CNTN5: variants seen among roughly 807,000 people sequenced by gnomAD.
CNTN5 encodes the protein contactin-5.
Under a neutral mutation model 129.1 loss-of-function variants are expected in CNTN5, and 77 were observed. That is an observed-to-expected ratio of 0.60 (90% CI 0.50 to 0.72). The LOEUF is 0.72. Among genes scored for constraint, CNTN5 ranks in the 30% least tolerant of loss-of-function variants. The pLI, the probability that CNTN5 is intolerant of heterozygous loss-of-function variation, is 0.00. For missense variants in CNTN5, 1,478 were observed against 1,328.8 expected, an observed-to-expected ratio of 1.11 and a Z score of -1.75; for synonymous variants, 509 against 465.6, an observed-to-expected ratio of 1.09 and a Z score of -1.20.
At chr11:100,288,895 A>C (rs1256320069) in intron 18 of CNTN5, among the ~76,000 whole-genome samples, 1 of 152,072 alleles carries the variant, frequency 6.6e-6, no homozygotes, top group African/African-American at 2.4e-5. Context: ...GAGAAGAATC[A>C]AATAGACACA....
chr11:99,967,192 C>G (rs1373007952), intron 8 of CNTN5, among the ~76,000 whole-genome samples: 2 of 152,082 alleles, frequency 1.3e-5, no homozygotes, highest in Non-Finnish European at 2.9e-5. Flanking sequence ...AAATGCAAGG[C>G]TATACGAAGG....
At chr11:99,640,419 C>A (rs986322300) in intron 3 of CNTN5, among the ~76,000 whole-genome samples, 9 of 152,172 alleles carry the variant, frequency 5.9e-5, no homozygotes, top group Non-Finnish European at 1.2e-4. Flanking sequence ...GCGGAAACCC[C>A]TGATAAACCC....
At chr11:99,044,258 A>T (rs527765152) in intron 1 of CNTN5, among the ~76,000 whole-genome samples, 12 of 152,290 alleles carry the variant, frequency 7.9e-5, no homozygotes, top group African/African-American at 2.9e-4. Context: ...AAACTAAGCT[A>T]ACAAAATTCT....
chr11:100,133,818 C>T (rs1946447866), intron 13 of CNTN5, among the ~76,000 whole-genome samples: 3 of 152,162 alleles, frequency 2.0e-5, no homozygotes, highest in Admixed American at 1.3e-4. Context: ...AAGATACTTG[C>T]TGGTAACTGG....
intron 7 of CNTN5, among the ~76,000 whole-genome samples, chr11:99,934,073 A>G (rs1445091871): frequency 6.6e-6 from 1 of 152,210 alleles, no homozygotes; most frequent in Non-Finnish European, 1.5e-5. Context: ...ATGATAGTAT[A>G]TATTGTTTGC....
At chr11:99,059,147 T>A (rs1864766565) in intron 1 of CNTN5, among the ~76,000 whole-genome samples, 1 of 150,406 alleles carries the variant, frequency 6.6e-6, no homozygotes, top group Non-Finnish European at 1.5e-5. Flanking sequence ...CTTATACTGG[T>A]CATTGGTTTT....
At chr11:99,089,843 T>A (rs1866167386) in intron 1 of CNTN5, among the ~76,000 whole-genome samples, 1 of 152,160 alleles carries the variant, frequency 6.6e-6, no homozygotes, top group South Asian at 2.1e-4. Context: ...TGGGCTAGCC[T>A]TGTCATTTGG....
intron 18 of CNTN5, among the ~76,000 whole-genome samples, chr11:100,275,414 G>A (rs918044981): frequency 1.3e-5 from 2 of 152,188 alleles, no homozygotes; most frequent in African/African-American, 2.4e-5. Flanking sequence ...TCTAAAAAGC[G>A]CTGCCTTACT....
chr11:99,612,885 C>G (rs76090814), intron 3 of CNTN5, among the ~76,000 whole-genome samples: 1 of 152,152 alleles, frequency 6.6e-6, no homozygotes, highest in Admixed American at 6.5e-5. Flanking sequence ...CACCAGTAGA[C>G]AGATGAGTGG....
At chr11:99,865,684 A>G (rs1244303774) in intron 6 of CNTN5, among the ~76,000 whole-genome samples, 2 of 152,050 alleles carry the variant, frequency 1.3e-5, no homozygotes, top group South Asian at 2.1e-4. Context: ...ATACTTACTG[A>G]AAATGTTTCT....
At chr11:99,992,829 G>T (rs1299133525) in intron 8 of CNTN5, among the ~76,000 whole-genome samples, 1 of 152,186 alleles carries the variant, frequency 6.6e-6, no homozygotes, top group Non-Finnish European at 1.5e-5. Flanking sequence ...GAAGGCTTCT[G>T]TTTATGAGAA....
chr11:100,142,078 G>C (rs1565281053), intron 13 of CNTN5, among the ~76,000 whole-genome samples: 1 of 152,138 alleles, frequency 6.6e-6, no homozygotes, highest in Non-Finnish European at 1.5e-5. Context: ...CAGAACGCCA[G>C]GCTCTCTGGC....
intron 3 of CNTN5, among the ~76,000 whole-genome samples, chr11:99,755,289 A>G (rs575615302): frequency 6.4e-4 from 98 of 152,292 alleles, no homozygotes; most frequent in African/African-American, 2.0e-3. Flanking sequence ...TAACTTTGTA[A>G]CAATTGACAG....
At chr11:99,501,772 A>T (rs1033261307) in intron 2 of CNTN5, among the ~76,000 whole-genome samples, 2 of 152,156 alleles carry the variant, frequency 1.3e-5, no homozygotes, top group Admixed American at 6.5e-5. Context: ...TTGAAAACTA[A>T]TTTTCTCTCT....
chr11:99,705,189 G>C (rs1301608493), intron 3 of CNTN5, among the ~76,000 whole-genome samples: 1 of 151,252 alleles, frequency 6.6e-6, no homozygotes, highest in Non-Finnish European at 1.5e-5. Context: ...CTAGAAGATT[G>C]TGCTTTATTA....
intron 2 of CNTN5, among the ~76,000 whole-genome samples, chr11:99,528,793 G>A (rs1947585600): frequency 6.6e-6 from 1 of 152,136 alleles, no homozygotes. Context: ...GCCGGGCGTA[G>A]TGGCTCATGC....
intron 6 of CNTN5, among the ~76,000 whole-genome samples, chr11:99,913,530 A>C (rs917402835): frequency 1.9e-4 from 29 of 152,070 alleles, no homozygotes; most frequent in African/African-American, 6.5e-4. Context: ...AAATAATGAC[A>C]CAGAGACAAT....
At chr11:99,070,052 G>C (rs962469560) in intron 1 of CNTN5, among the ~76,000 whole-genome samples, 7 of 152,290 alleles carry the variant, frequency 4.6e-5, no homozygotes, top group African/African-American at 1.7e-4. Context: ...CTCCAGCACA[G>C]CTGGTGAGCT....
intron 2 of CNTN5, among the ~76,000 whole-genome samples, chr11:99,358,857 A>G (rs755136565): frequency 3.3e-5 from 5 of 152,218 alleles, no homozygotes; most frequent in South Asian, 2.1e-4. Context: ...AACCCCTCAG[A>G]ATTATGTATG....
Sources: allele counts gnomAD v4.1 joint callset (sites outside exome capture counted in the v4.1 genomes callset), GRCh38; gene constraint gnomAD v4.1.1; transcripts MANE v1.5; gene names NCBI Gene and HGNC (gene_info 2026-07-23, HGNC 2026-07-21).